KLHL1: variants seen among roughly 807,000 people sequenced by gnomAD.
KLHL1 encodes kelch-like protein 1.
Under a neutral mutation model 77.7 loss-of-function variants are expected in KLHL1, and 47 were observed. The observed-to-expected ratio is 0.60, with a 90% confidence interval of 0.48 to 0.77. The LOEUF (loss-of-function observed/expected upper bound fraction) is 0.77. Ranked by LOEUF, KLHL1 falls within the 30% of genes least tolerant of loss-of-function variation. The probability of loss-of-function intolerance (pLI) is 0.00; values close to 1 mark genes in which losing one functional copy is unlikely to be tolerated. For missense variants in KLHL1, 925 were observed against 910.8 expected, an observed-to-expected ratio of 1.02 and a Z score of -0.20; for synonymous variants, 360 against 325.2, an observed-to-expected ratio of 1.11 and a Z score of -1.15.
intron 1 of KLHL1, among the ~76,000 whole-genome samples, chr13:70,027,683 G>A (rs1432038039): frequency 2.1e-5 from 2 of 94,564 alleles, no homozygotes; most frequent in Non-Finnish European, 4.3e-5. Flanking sequence ...GAACAAAAAC[G>A]CTGTTGTTTG....
chr13:69,849,349 C>G (rs531726519), intron 5 of KLHL1, among the ~76,000 whole-genome samples: 1 of 151,624 alleles, frequency 6.6e-6, no homozygotes, highest in Non-Finnish European at 1.5e-5. Flanking sequence ...TACAATATAA[C>G]TCTTTTTAAT....
At chr13:69,940,588 T>C (rs1883333967) in intron 3 of KLHL1, among the ~76,000 whole-genome samples, 1 of 152,050 alleles carries the variant, frequency 6.6e-6, no homozygotes, top group Non-Finnish European at 1.5e-5. Flanking sequence ...TCTCTAAGTA[T>C]CTGACAAGGT....
chr13:69,871,813 C>T (rs1880598051), intron 5 of KLHL1, among the ~76,000 whole-genome samples: 1 of 151,498 alleles, frequency 6.6e-6, no homozygotes, highest in Non-Finnish European at 1.5e-5. Flanking sequence ...GAGACTTTGT[C>T]AGTATGGCTT....
rs17086297 is a variant in KLHL1 at position 70,062,238 on chromosome 13, G to T, written c.497+44965C>A. 9.5e-3 allele frequency among the ~76,000 whole-genome samples: 1,452 copies of T among 152,226 alleles called. 19 individuals carry two copies. Among genetic ancestry groups the T allele is most frequent in the African/African-American group, 0.033 (1,380 of 41,546 alleles). ...ATAGAATTACCTATCTTGAGCTCAT[G>T]AGAAATTTTGAGATAAATATGAACA... On this transcript the variant is annotated intron_variant, in intron 1 of 10. Coordinates refer to ENST00000377844, the MANE Select transcript of KLHL1 (RefSeq NM_020866.3).
At chr13:69,754,476 A>G (rs1874621346) in intron 7 of KLHL1, among the ~76,000 whole-genome samples, 1 of 152,174 alleles carries the variant, frequency 6.6e-6, no homozygotes, top group Non-Finnish European at 1.5e-5. Context: ...TGGCAAATAA[A>G]TGCACAAAGT....
At chr13:69,967,348 A>G (rs1027833014) in intron 2 of KLHL1, among the ~76,000 whole-genome samples, 2 of 152,154 alleles carry the variant, frequency 1.3e-5, no homozygotes, top group Non-Finnish European at 2.9e-5. Context: ...ACCCTCATAT[A>G]TGACTTTGAA....
chr13:69,714,755 C>G (rs1335593118), intron 9 of KLHL1, among the ~76,000 whole-genome samples: 3 of 151,706 alleles, frequency 2.0e-5, no homozygotes, highest in African/African-American at 7.3e-5. Context: ...CACCACACCT[C>G]ACTAATTTTT....
intron 10 of KLHL1, among the ~76,000 whole-genome samples, chr13:69,704,186 T>A (rs1205064572): frequency 6.8e-6 from 1 of 147,524 alleles, no homozygotes; most frequent in East Asian, 1.9e-4. Context: ...ATCCTTTCTG[T>A]TTTTTCAAAA....
intron 1 of KLHL1, among the ~76,000 whole-genome samples, chr13:70,055,194 A>C (rs186412601): frequency 2.0e-5 from 3 of 152,220 alleles, no homozygotes; most frequent in African/African-American, 7.2e-5. Flanking sequence ...GGAAACATAA[A>C]AAGGAGCTGC....
chr13:69,722,680 GA>G (rs1284075266), intron 8 of KLHL1, among the ~76,000 whole-genome samples: 1 of 151,926 alleles, frequency 6.6e-6, no homozygotes, highest in Non-Finnish European at 1.5e-5. Context: ...TGAAAAAGGA[GA>G]AACTCATACA....
In KLHL1 at chr13:69,700,934, A is replaced by G. The variant is rs1448686750; in HGVS notation, c.*768T>C. 6.6e-6 allele frequency: 1 copy of G among 152,396 alleles called. No homozygotes were observed. The highest frequency in any genetic ancestry group is 1.5e-5 in the Non-Finnish European group (1 of 67,856). 9.4% of individuals were successfully genotyped at this position (152,396 alleles called of 1,614,324 possible). On this transcript the variant is annotated 3_prime_UTR_variant, in exon 11 of 11. Coordinates refer to ENST00000377844, the MANE Select transcript of KLHL1 (RefSeq NM_020866.3). ...CTTCCATGCTTACACTGAACTCAAC[A>G]TAAGGCAAAAGCCCAATAATTACAC...
chr13:70,010,446 G>A (rs1024568212), intron 1 of KLHL1, among the ~76,000 whole-genome samples: 1 of 152,128 alleles, frequency 6.6e-6, no homozygotes, highest in Non-Finnish European at 1.5e-5. Context: ...TATAGAATAT[G>A]ACTGAAAGAG....
At chr13:70,056,841 T>C (rs1886755508) in intron 1 of KLHL1, among the ~76,000 whole-genome samples, 1 of 152,136 alleles carries the variant, frequency 6.6e-6, no homozygotes, top group East Asian at 1.9e-4. Context: ...GAGGAAATTT[T>C]ATTTTAATAA....
intron 7 of KLHL1, among the ~76,000 whole-genome samples, chr13:69,756,680 G>T (rs1041321367): frequency 1.3e-5 from 2 of 152,130 alleles, no homozygotes; most frequent in Admixed American, 6.6e-5. Context: ...AACTATCTGG[G>T]ATGATTCAAC....
At chr13:70,039,314 C>A (rs981986902) in intron 1 of KLHL1, among the ~76,000 whole-genome samples, 17 of 151,938 alleles carry the variant, frequency 1.1e-4, no homozygotes, top group Non-Finnish European at 2.9e-5. Context: ...AAACTCCTGG[C>A]CTTAAACAAT....
At chr13:69,890,443 T>C (rs907181882) in intron 4 of KLHL1, among the ~76,000 whole-genome samples, 1 of 151,988 alleles carries the variant, frequency 6.6e-6, no homozygotes, top group Admixed American at 6.5e-5. Context: ...GATTACCCGG[T>C]AATTATTTTC....
In KLHL1 at chr13:70,107,540, T is replaced by C; in HGVS notation, c.160A>G (p.Ser54Gly). The stretch of plus-strand genomic sequence containing the variant: ...CTCTCTTGGCTTTTGAGCAGGCGAC[T>C]CTGGCTGGGTCCCCAGTGCTCAAAG... Reference protein sequence around the residue: ...GSFEHWGPSQSRLLKSQERSG... With the variant: ...GSFEHWGPSQGRLLKSQERSG... Residue 54 changes from serine (S) to glycine (G), a missense_variant, in exon 1 of 11, where the codon AGT becomes GGT. By Grantham distance (56) the Ser-to-Gly change is moderately conservative. Transcript: ENST00000377844. The C allele has an allele frequency of 6.2e-7, 1 of 1,609,660 alleles. No individual in the cohort carries two copies. Among genetic ancestry groups the C allele is most frequent in the Non-Finnish European group, 8.5e-7 (1 of 1,177,498 alleles).
chr13:69,993,155 C>T (rs962907541), intron 1 of KLHL1, among the ~76,000 whole-genome samples: 3 of 151,940 alleles, frequency 2.0e-5, no homozygotes, highest in Non-Finnish European at 2.9e-5. Context: ...AATAACACTA[C>T]GTTCTAGAGG....
chr13:69,946,507 T>C (rs1883529911), intron 3 of KLHL1, among the ~76,000 whole-genome samples: 1 of 152,074 alleles, frequency 6.6e-6, no homozygotes, highest in Non-Finnish European at 1.5e-5. Context: ...TTTTTTCTTC[T>C]TTGTTCTCCT....
Sources: gnomAD v4.1 joint callset for allele counts (sites outside exome capture counted in the v4.1 genomes callset) on GRCh38, gnomAD v4.1.1 for gene constraint, MANE v1.5 for transcripts, NCBI Gene and HGNC (gene_info 2026-07-23, HGNC 2026-07-21) for gene names.